USP32: variants seen among roughly 807,000 people sequenced by gnomAD.
USP32 encodes ubiquitin carboxyl-terminal hydrolase 32.
In USP32, 59 loss-of-function variants were observed where a neutral mutation model predicts 204.8. The observed-to-expected ratio is 0.29, with a 90% CI of 0.23 to 0.36. The LOEUF is 0.36. USP32 is among the 10% of genes least tolerant of loss of function. The pLI is 1.00. For missense variants in USP32, 1,160 were observed against 1,946.4 expected, an observed-to-expected ratio of 0.60 and a Z score of 7.60; for synonymous variants, 517 against 678.4, an observed-to-expected ratio of 0.76 and a Z score of 3.70.
At chr17:60,408,036 T>G (rs1016383490) in intron 1 of USP32, among the ~76,000 whole-genome samples, 1 of 151,868 alleles carries the variant, frequency 6.6e-6, no homozygotes, top group Non-Finnish European at 1.5e-5. Flanking sequence ...AGGTGGAGAT[T>G]GCAGTGAGCT....
At chr17:60,363,036 A>T (rs942563605) in intron 1 of USP32, among the ~76,000 whole-genome samples, 1 of 152,110 alleles carries the variant, frequency 6.6e-6, no homozygotes, top group African/African-American at 2.4e-5. Context: ...CAGGTCTATA[A>T]TCCTAGCATT....
At chr17:60,389,120 C>T (rs1319925789) in intron 1 of USP32, among the ~76,000 whole-genome samples, 1 of 152,186 alleles carries the variant, frequency 6.6e-6, no homozygotes, top group Non-Finnish European at 1.5e-5. Flanking sequence ...TTGTCAAATC[C>T]TATCTACCCT....
chr17:60,269,381 T>C (rs2086673338), intron 7 of USP32, 69 bp downstream of exon 7: 2 of 1,182,064 alleles, frequency 1.7e-6, no homozygotes, highest in South Asian at 2.8e-5. Context: ...ACAGATAATT[T>C]TACATTGATG....
In USP32 at chr17:60,196,124, G is replaced by A. The variant is rs536126750; in HGVS notation, c.3434+2136C>T. ...TCTACTAAAAATACAAAAATTAGCC[G>A]AGTGTGGTGGCATGCACCTGTACTC... On this transcript the variant is annotated intron_variant, in intron 27 of 33. Transcript: ENST00000300896. 3.9e-5 allele frequency among the ~76,000 whole-genome samples: 6 copies of A among 151,992 alleles called. No homozygotes were observed. In the East Asian group the frequency reaches 1.2e-3, roughly 30 times the overall value.
At chr17:60,260,846 T>A (rs2086435099) in intron 9 of USP32, among the ~76,000 whole-genome samples, 1 of 152,130 alleles carries the variant, frequency 6.6e-6, no homozygotes. Flanking sequence ...GAATAGTATA[T>A]CTTCCCCTCT....
At chr17:60,234,742 A>ATT (rs200970919) in intron 12 of USP32, among the ~76,000 whole-genome samples, 12 of 151,580 alleles carry the variant, frequency 7.9e-5, no homozygotes, top group African/African-American at 2.2e-4. Flanking sequence ...GAAAAAAAAA[A>ATT]ATTTTTTTTT....
chr17:60,329,543 A>G (rs1379276955), intron 2 of USP32, among the ~76,000 whole-genome samples: 1 of 151,728 alleles, frequency 6.6e-6, no homozygotes, highest in Non-Finnish European at 1.5e-5. Context: ...TCCTGGCCTC[A>G]AGCATTCCTC....
At chr17:60,371,394 C>T (rs545169330) in intron 1 of USP32, among the ~76,000 whole-genome samples, 81 of 152,052 alleles carry the variant, frequency 5.3e-4, no homozygotes, top group Non-Finnish European at 1.0e-3. Context: ...TGGTGAAACC[C>T]CGTCTCTACT....
chr17:60,374,794 G>A (rs2089508564), intron 1 of USP32, among the ~76,000 whole-genome samples: 1 of 152,198 alleles, frequency 6.6e-6, no homozygotes, highest in African/African-American at 2.4e-5. Flanking sequence ...GATGTCACTA[G>A]GCAATAGGAA....
intron 14 of USP32, 26 bp from the exon 15 acceptor site, chr17:60,222,575 T>C (rs765515873): frequency 6.9e-6 from 11 of 1,604,904 alleles, no homozygotes; most frequent in Non-Finnish European, 9.4e-6. Flanking sequence ...ATGACAATGT[T>C]GACTTTCAAT....
At chr17:60,253,854 T>C (rs539133857) in intron 10 of USP32, among the ~76,000 whole-genome samples, 1 of 152,348 alleles carries the variant, frequency 6.6e-6, no homozygotes, top group South Asian at 2.1e-4. Context: ...TGGTGATCTA[T>C]ATTATTTTCA....
At chr17:60,205,719 T>C in intron 25 of USP32, 61 bp from the exon 26 acceptor site, 1 of 1,533,950 alleles carries the variant, frequency 6.5e-7, no homozygotes, top group South Asian at 1.2e-5. Context: ...TTTGCTCTTT[T>C]CTCAAGTATC....
chr17:60,406,696 A>G (rs1448223625), intron 1 of USP32, among the ~76,000 whole-genome samples: 1 of 151,794 alleles, frequency 6.6e-6, no homozygotes, highest in Non-Finnish European at 1.5e-5. Context: ...TTGTATTTTT[A>G]GTAGAGACAG....
chr17:60,250,452 G>A lies in USP32; in HGVS notation c.1136+1929C>T, dbSNP rs188356023. Among the ~76,000 whole-genome samples the A allele has an allele frequency of 2.5e-3, 384 of 152,018 alleles. 3 individuals are homozygous for A. The highest frequency in any genetic ancestry group is 2.3e-3 in the Non-Finnish European group (157 of 67,972). Reference sequence around the variant, plus strand: ...CAGAATATATTACTATAATAAATTAGATTGTAATATTCTAAGAAAAAAAGT... The same window carrying A: ...CAGAATATATTACTATAATAAATTAAATTGTAATATTCTAAGAAAAAAAGT... On this transcript the variant is annotated intron_variant, in intron 11 of 33. Transcript: ENST00000300896.
At chr17:60,239,994 C>T (rs2145655001) in intron 11 of USP32, among the ~76,000 whole-genome samples, 1 of 152,372 alleles carries the variant, frequency 6.6e-6, no homozygotes, top group East Asian at 1.9e-4. Context: ...CTTGGCCTCC[C>T]AAAGTGCTGG....
Position 60,210,339 on chromosome 17 carries a change from T to G in USP32, c.2424+674A>C, listed in dbSNP as rs537494458. Among the ~76,000 whole-genome samples the G allele has an allele frequency of 1.3e-3, 199 of 151,540 alleles. 1 individual carries two copies. The highest frequency in any genetic ancestry group is 4.4e-3 in the African/African-American group (183 of 41,304). ...TTTTTTTTTCTTTTTGGAGACAGAGTCTTACTCTGTTGCCCAGGCTGGAGT... is the reference window on the plus strand; with the variant it reads ...TTTTTTTTTCTTTTTGGAGACAGAGGCTTACTCTGTTGCCCAGGCTGGAGT... On this transcript the variant is annotated intron_variant, in intron 21 of 33. Coordinates refer to ENST00000300896, the MANE Select transcript of USP32 (RefSeq NM_032582.4).
At chr17:60,401,935 A>G (rs2089938704) in intron 1 of USP32, among the ~76,000 whole-genome samples, 1 of 152,092 alleles carries the variant, frequency 6.6e-6, no homozygotes, top group African/African-American at 2.4e-5. Context: ...AATTTCCCCC[A>G]CTGAGACAAA....
intron 2 of USP32, among the ~76,000 whole-genome samples, chr17:60,327,185 G>T (rs934584973): frequency 6.6e-6 from 1 of 152,146 alleles, no homozygotes; most frequent in Non-Finnish European, 1.5e-5. Flanking sequence ...ATATGCTAAT[G>T]GCCATGTGTA....
chr17:60,328,042 C>A (rs542367259), intron 2 of USP32, among the ~76,000 whole-genome samples: 2 of 152,240 alleles, frequency 1.3e-5, no homozygotes, highest in Admixed American at 6.5e-5. Flanking sequence ...AGCAGACAGG[C>A]TCCTGGGCAG....
Sources: allele counts gnomAD v4.1 joint callset (sites outside exome capture counted in the v4.1 genomes callset), GRCh38; gene constraint gnomAD v4.1.1; transcripts MANE v1.5; gene names NCBI Gene and HGNC (gene_info 2026-07-23, HGNC 2026-07-21).